The following LIPA variants were observed in gnomAD, a reference collection of about 807,000 sequenced individuals.
LIPA encodes the protein lysosomal acid lipase/cholesteryl ester hydrolase.
Under a neutral mutation model 40.6 loss-of-function variants are expected in LIPA, and 26 were observed. The ratio of observed to expected loss-of-function variants is 0.64; its 90% confidence interval spans 0.47 to 0.89. The LOEUF is 0.89. Among genes scored for constraint, LIPA ranks in the 40% least tolerant of loss-of-function variants. The pLI is 0.00. For synonymous variants in LIPA, 188 were observed against 168.4 expected (o/e 1.12, Z -0.90); for missense variants, 455 against 479.6 (o/e 0.95, Z 0.48).
intron 1 of LIPA, among the ~76,000 whole-genome samples, chr10:89,258,239 A>G (rs10887936): frequency 0.67 from 101,148 of 152,026 alleles, 34,367 homozygotes; most frequent in East Asian, 0.93. Context: ...AGCTATATGC[A>G]AAACAATGAA....
intron 2 of LIPA, chr10:89,383,491 T>C (rs1022734766): frequency 6.2e-7 from 1 of 1,614,208 alleles, no homozygotes; most frequent in Non-Finnish European, 8.5e-7. Flanking sequence ...CCTACTAGCC[T>C]ATGTGAAACA....
At chr10:89,308,279 C>T (rs1157245076) in intron 1 of LIPA, 4 of 151,106 alleles carry the variant, frequency 2.6e-5, no homozygotes, top group African/African-American at 9.7e-5. Context: ...AGATTGTAAT[C>T]GAATGGAGAA....
intron 1 of LIPA, among the ~76,000 whole-genome samples, chr10:89,329,020 T>C (rs1434793087): frequency 6.6e-6 from 1 of 152,188 alleles, no homozygotes; most frequent in Non-Finnish European, 1.5e-5. Context: ...GTAAACTTGA[T>C]TTTTAAATTT....
chr10:89,306,540 T>G (rs200869366), intron 1 of LIPA: 213 of 1,614,106 alleles, frequency 1.3e-4, no homozygotes, highest in Admixed American at 5.8e-4. Flanking sequence ...CAGAACGCCA[T>G]TGACCCTCTG....
At chr10:89,280,553 T>C (rs1271745300) in intron 1 of LIPA, among the ~76,000 whole-genome samples, 1 of 152,240 alleles carries the variant, frequency 6.6e-6, no homozygotes, top group Non-Finnish European at 1.5e-5. Flanking sequence ...TGATCTGCCA[T>C]CTCCAAACAC....
intron 3 of LIPA, among the ~76,000 whole-genome samples, chr10:89,228,846 C>T (rs183309199): frequency 1.9e-4 from 29 of 152,290 alleles, no homozygotes; most frequent in Admixed American, 1.6e-3. Flanking sequence ...TCCAAAAACG[C>T]TGAAAACACC....
At chr10:89,273,992 C>T (rs1233658551) in intron 1 of LIPA, among the ~76,000 whole-genome samples, 3 of 152,118 alleles carry the variant, frequency 2.0e-5, no homozygotes, top group Non-Finnish European at 4.4e-5. Flanking sequence ...CCCACAAAGC[C>T]GAAGAAAATA....
chr10:89,245,828 C>T lies in LIPA; in HGVS notation c.112-35G>A, dbSNP rs779319446. 3.6e-5 allele frequency: 38 copies of T among 1,051,430 alleles called. 1 individual carries two copies. In the South Asian group the frequency reaches 4.6e-4, roughly 13 times the overall value. 65.1% of individuals were successfully genotyped at this position (1,051,430 alleles called of 1,614,324 possible). The stretch of plus-strand genomic sequence containing the variant: ...AAAAGGACGATGGAAATTGGGTGGA[C>T]AGAATCTGAAACAGTCTCCCACATT... On this transcript the variant is annotated intron_variant, in intron 2 of 9. Coordinates refer to ENST00000336233, the MANE Select transcript of LIPA (RefSeq NM_000235.4).
At chr10:89,275,583 A>G (rs367689672) in intron 1 of LIPA, among the ~76,000 whole-genome samples, 2 of 152,146 alleles carry the variant, frequency 1.3e-5, no homozygotes, top group Admixed American at 1.3e-4. Context: ...CAGCTCCCAC[A>G]ATTGCATAAG....
chr10:89,303,315 G>A (rs969773039), intron 1 of LIPA, among the ~76,000 whole-genome samples: 2 of 152,224 alleles, frequency 1.3e-5, no homozygotes, highest in Non-Finnish European at 2.9e-5. Flanking sequence ...CATTAAGTGG[G>A]TCTGGGTTAG....
At chr10:89,252,158 T>A (rs1438276879), upstream of LIPA, 3 of 152,258 alleles carry the variant, frequency 2.0e-5, no homozygotes, top group Non-Finnish European at 4.4e-5. Flanking sequence ...GCATGTGGGC[T>A]CTATAAATGA....
chr10:89,366,091 T>C (rs558828845), intron 2 of LIPA, among the ~76,000 whole-genome samples: 46 of 152,362 alleles, frequency 3.0e-4, no homozygotes, highest in Admixed American at 6.5e-4. Flanking sequence ...GAGCATGGAA[T>C]GTTTTTCCAT....
chr10:89,233,872 C>T (rs1486495006), intron 3 of LIPA, among the ~76,000 whole-genome samples: 1 of 152,028 alleles, frequency 6.6e-6, no homozygotes, highest in Non-Finnish European at 1.5e-5. Flanking sequence ...TTTACCCCCA[C>T]CCCCCACAAA....
intron 6 of LIPA, 134 bp downstream of exon 6, chr10:89,224,958 A>G (rs1842747509): frequency 5.8e-6 from 7 of 1,202,230 alleles, no homozygotes; most frequent in Non-Finnish European, 8.6e-6. Flanking sequence ...GTAAACGGAA[A>G]AAGAAAAGCC....
intron 1 of LIPA, among the ~76,000 whole-genome samples, chr10:89,264,691 C>T (rs1391452552): frequency 1.3e-5 from 2 of 152,200 alleles, no homozygotes; most frequent in East Asian, 1.9e-4. Flanking sequence ...TTTATGGGCT[C>T]ATAAGGGAGG....
intron 1 of LIPA, among the ~76,000 whole-genome samples, chr10:89,328,446 A>T (rs539889976): frequency 9.5e-4 from 145 of 152,338 alleles, no homozygotes; most frequent in African/African-American, 3.3e-3. Flanking sequence ...GACCTAAGGG[A>T]ATTACTCTTT....
rs1843275380 is a variant in LIPA at position 89,273,377 on chromosome 10, T to C, written c.-1-25728A>G. Among the ~76,000 whole-genome samples the C allele has an allele frequency of 3.3e-5, 5 of 151,986 alleles. No homozygotes were observed. In the South Asian group the frequency reaches 1.0e-3, roughly 32 times the overall value. On this transcript the variant is annotated intron_variant, in intron 1 of 5. Transcript: ENST00000282673. Reference sequence around the variant, plus strand: ...CATTTGTGGCACTATGTGTGACTGTTTTGGGGGTACTGGGAAGTTAATATC... The same window carrying C: ...CATTTGTGGCACTATGTGTGACTGTCTTGGGGGTACTGGGAAGTTAATATC...
At chr10:89,384,645 G>C in intron 2 of LIPA, 2 of 1,614,210 alleles carry the variant, frequency 1.2e-6, no homozygotes, top group South Asian at 2.2e-5. Context: ...GCCTCCTTGG[G>C]CTTATCCACA....
At chr10:89,412,719 C>CT in intron 2 of LIPA, 2 of 436,384 alleles carry the variant, frequency 4.6e-6, no homozygotes, top group Non-Finnish European at 9.1e-6. Context: ...GACGCGCCAC[C>CT]TTTAAGATCT....
Sources: allele counts gnomAD v4.1 joint callset (sites outside exome capture counted in the v4.1 genomes callset), GRCh38; gene constraint gnomAD v4.1.1; transcripts MANE v1.5; gene names NCBI Gene and HGNC (gene_info 2026-07-23, HGNC 2026-07-21).